GPC6: variants seen among roughly 807,000 people sequenced by gnomAD.
GPC6 encodes glypican 6.
Under a neutral mutation model 55.2 loss-of-function variants are expected in GPC6, and 14 were observed. That is an observed-to-expected ratio of 0.25 (90% CI 0.17 to 0.40). The LOEUF (loss-of-function observed/expected upper bound fraction) is 0.40, where lower values mean the gene tolerates loss of function less well. Ranked by LOEUF, GPC6 falls within the 10% of genes least tolerant of loss-of-function variation. The pLI, the probability that GPC6 is intolerant of heterozygous loss-of-function variation, is 1.00. For missense variants in GPC6, 641 were observed against 708.5 expected (o/e 0.90, Z 1.08); for synonymous variants, 278 against 259.6 (o/e 1.07, Z -0.68).
intron 1 of GPC6, among the ~76,000 whole-genome samples, chr13:93,523,086 A>G (rs1281210708): frequency 6.6e-6 from 1 of 151,050 alleles, no homozygotes; most frequent in Non-Finnish European, 1.5e-5. Flanking sequence ...TGTGTGTAAC[A>G]TGGTGTATGA....
chr13:93,620,791 T>C (rs1878919082), intron 2 of GPC6, among the ~76,000 whole-genome samples: 1 of 152,194 alleles, frequency 6.6e-6, no homozygotes, highest in African/African-American at 2.4e-5. Flanking sequence ...TGGGTTAGTA[T>C]CTGTTTCCCT....
At chr13:93,877,611 G>A (rs1296364121) in intron 3 of GPC6, among the ~76,000 whole-genome samples, 6 of 152,006 alleles carry the variant, frequency 3.9e-5, no homozygotes, top group Non-Finnish European at 8.8e-5. Context: ...CTAAGTCTAT[G>A]TTAAGGAATC....
intron 2 of GPC6, among the ~76,000 whole-genome samples, chr13:93,824,914 C>T (rs889303016): frequency 6.6e-5 from 10 of 152,014 alleles, no homozygotes; most frequent in African/African-American, 2.4e-4. Flanking sequence ...ATGTAACAGG[C>T]ACCATACATG....
intron 1 of GPC6, among the ~76,000 whole-genome samples, chr13:93,380,869 G>T (rs1405199823): frequency 6.6e-6 from 1 of 152,062 alleles, no homozygotes; most frequent in Non-Finnish European, 1.5e-5. Flanking sequence ...CAATCAGCAG[G>T]TATTTATTGG....
chr13:94,293,999 A>G (rs1011145519), intron 5 of GPC6, among the ~76,000 whole-genome samples: 3 of 152,124 alleles, frequency 2.0e-5, no homozygotes, highest in East Asian at 1.9e-4. Context: ...ACATTCACCA[A>G]TTTCAATCCT....
At chr13:94,278,125 G>A (rs1892267361) in intron 4 of GPC6, among the ~76,000 whole-genome samples, 1 of 152,138 alleles carries the variant, frequency 6.6e-6, no homozygotes, top group Admixed American at 6.5e-5. Flanking sequence ...GCAGTGGTTT[G>A]TAGTTCTCCT....
chr13:93,534,844 CTT>C (rs1427820656), intron 1 of GPC6, among the ~76,000 whole-genome samples: 1 of 152,080 alleles, frequency 6.6e-6, no homozygotes, highest in Non-Finnish European at 1.5e-5. Flanking sequence ...TACAGTTTCT[CTT>C]TTTTATTTTA....
intron 3 of GPC6, among the ~76,000 whole-genome samples, chr13:93,975,406 T>C (rs1880471408): frequency 6.6e-6 from 1 of 152,118 alleles, no homozygotes; most frequent in Non-Finnish European, 1.5e-5. Context: ...GAGTGAGTGC[T>C]GGGAGCATTT....
chr13:93,429,778 T>G (rs926584738), intron 1 of GPC6, among the ~76,000 whole-genome samples: 1 of 152,100 alleles, frequency 6.6e-6, no homozygotes, highest in East Asian at 1.9e-4. Context: ...ACATGTATTG[T>G]GGACTGAGGG....
At chr13:94,264,424 A>C (rs1891734403) in intron 4 of GPC6, among the ~76,000 whole-genome samples, 1 of 152,216 alleles carries the variant, frequency 6.6e-6, no homozygotes, top group Non-Finnish European at 1.5e-5. Context: ...CCTTCTTGTG[A>C]AACTTCCATC....
intron 3 of GPC6, among the ~76,000 whole-genome samples, chr13:93,884,243 T>G (rs1370667334): frequency 6.6e-6 from 1 of 152,120 alleles, no homozygotes; most frequent in East Asian, 1.9e-4. Context: ...CCATAGAATT[T>G]TATTTTTAAT....
chr13:93,734,286 C>T (rs1486901684), intron 2 of GPC6, among the ~76,000 whole-genome samples: 1 of 152,110 alleles, frequency 6.6e-6, no homozygotes, highest in Non-Finnish European at 1.5e-5. Flanking sequence ...GTAATTAAAA[C>T]GTTTGCAGAA....
chr13:94,312,114 G>A (rs191461224), intron 6 of GPC6, among the ~76,000 whole-genome samples: 277 of 152,260 alleles, frequency 1.8e-3, no homozygotes, highest in African/African-American at 6.4e-3. Context: ...ATCCCTGTGT[G>A]TCTGCTGGAC....
chr13:93,928,366 T>A (rs1877968660), intron 3 of GPC6, among the ~76,000 whole-genome samples: 1 of 152,232 alleles, frequency 6.6e-6, no homozygotes, highest in Non-Finnish European at 1.5e-5. Flanking sequence ...AAAATTTATA[T>A]AAAGCATAGC....
chr13:94,350,348 T>G (rs117995507), intron 6 of GPC6, among the ~76,000 whole-genome samples: 2,908 of 152,244 alleles, frequency 0.019, 34 homozygotes, highest in Middle Eastern at 0.051. Flanking sequence ...TGGTCCAGAC[T>G]TAGGCATCAG....
intron 3 of GPC6, among the ~76,000 whole-genome samples, chr13:93,946,660 T>A (rs1396479232): frequency 6.6e-6 from 1 of 152,180 alleles, no homozygotes; most frequent in Non-Finnish European, 1.5e-5. Context: ...GGCCAAGGCC[T>A]CATCTATTTT....
At chr13:94,273,759 A>G (rs572253969) in intron 4 of GPC6, among the ~76,000 whole-genome samples, 1 of 152,268 alleles carries the variant, frequency 6.6e-6, no homozygotes, top group East Asian at 1.9e-4. Context: ...CTACGAAAAC[A>G]CGGTAGGAGG....
At chr13:94,143,006 T>C (rs1185754405) in intron 4 of GPC6, among the ~76,000 whole-genome samples, 1 of 151,908 alleles carries the variant, frequency 6.6e-6, no homozygotes, top group Non-Finnish European at 1.5e-5. Flanking sequence ...TTTTTGTATT[T>C]TTAGTAGAGA....
At chr13:94,331,053 C>T (rs370202673) in intron 6 of GPC6, among the ~76,000 whole-genome samples, 1 of 152,102 alleles carries the variant, frequency 6.6e-6, no homozygotes, top group East Asian at 1.9e-4. Flanking sequence ...TTGGAGGGTG[C>T]TACATCAACT....
Sources: gnomAD v4.1 joint callset for allele counts (sites outside exome capture counted in the v4.1 genomes callset) on GRCh38, gnomAD v4.1.1 for gene constraint, MANE v1.5 for transcripts, NCBI Gene and HGNC (gene_info 2026-07-23, HGNC 2026-07-21) for gene names.